SLC5A4: variants seen among roughly 807,000 people sequenced by gnomAD.
The protein encoded by SLC5A4 is solute carrier family 5 member 4, also known as probable glucose sensor protein SLC5A4.
SLC5A4 carries 55 observed loss-of-function variants against 70.3 expected under a neutral mutation model. The ratio of observed to expected loss-of-function variants is 0.78; its 90% CI spans 0.63 to 0.98. The LOEUF (loss-of-function observed/expected upper bound fraction) is 0.98, where lower values mean the gene tolerates loss of function less well. SLC5A4 is among the 50% of genes least tolerant of loss of function. The pLI is 0.00. For synonymous variants in SLC5A4, 268 were observed against 305.7 expected, an observed-to-expected ratio of 0.88 and a Z score of 1.29; for missense variants, 735 against 839.2, an observed-to-expected ratio of 0.88 and a Z score of 1.53.
chr22:32,307,831 A>G, the SLC5A4 span, among the ~76,000 whole-genome samples: 1 of 152,214 alleles, frequency 6.6e-6, no homozygotes, highest in Admixed American at 6.5e-5. Context: ...TCATCCAGGC[A>G]TGGCCTGACT....
At chr22:32,354,898 G>A in the SLC5A4 span, 2 of 152,446 alleles carry the variant, frequency 1.3e-5, no homozygotes, top group Non-Finnish European at 2.9e-5. Context: ...CAGCAGCGAG[G>A]TGAGCCACGG....
chr22:32,274,249 C>G, the SLC5A4 span, among the ~76,000 whole-genome samples: 1 of 151,972 alleles, frequency 6.6e-6, no homozygotes, highest in African/African-American at 2.4e-5. Context: ...ACTGTATTAG[C>G]CAGGATGGTC....
the SLC5A4 span, among the ~76,000 whole-genome samples, chr22:32,263,590 T>C: frequency 1.3e-5 from 2 of 152,192 alleles, no homozygotes; most frequent in South Asian, 2.1e-4. Context: ...AACACTTTTA[T>C]ACTGTTGGTG....
intron 2 of SLC5A4, among the ~76,000 whole-genome samples, chr22:32,253,048 C>T (rs1927265337): frequency 1.3e-5 from 2 of 152,162 alleles, no homozygotes; most frequent in Admixed American, 1.3e-4. Context: ...CTAAACAGTC[C>T]TAAAAATGCA....
chr22:32,241,489 T>G (rs1656552642), intron 5 of SLC5A4, among the ~76,000 whole-genome samples: 1 of 152,226 alleles, frequency 6.6e-6, no homozygotes, highest in South Asian at 2.1e-4. Flanking sequence ...CATAGTTTGT[T>G]TTTTTTGTAG....
chr22:32,300,769 G>T, the SLC5A4 span, among the ~76,000 whole-genome samples: 1 of 152,144 alleles, frequency 6.6e-6, no homozygotes, highest in African/African-American at 2.4e-5. Flanking sequence ...TCCATGTTAT[G>T]AATGTACTAC....
At chr22:32,308,309 A>C in the SLC5A4 span, among the ~76,000 whole-genome samples, 2 of 78,994 alleles carry the variant, frequency 2.5e-5, no homozygotes, top group African/African-American at 1.5e-4. Flanking sequence ...CAGGAACCCC[A>C]TGTCCTTGAA....
intron 5 of SLC5A4, among the ~76,000 whole-genome samples, chr22:32,245,696 T>C (rs77462619): frequency 0.012 from 1,818 of 152,290 alleles, 15 homozygotes; most frequent in South Asian, 0.023. Flanking sequence ...AATTTTTGTA[T>C]GTTTAGTAGA....
At chr22:32,333,206 C>CCCCCCCA in the SLC5A4 span, among the ~76,000 whole-genome samples, 3 of 150,382 alleles carry the variant, frequency 2.0e-5, no homozygotes, top group Admixed American at 6.6e-5. Flanking sequence ...ACCCCCCCCC[C>CCCCCCCA]AGAAGACTCA....
chr22:32,269,720 C>A, the SLC5A4 span: 5 of 623,336 alleles, frequency 8.0e-6, no homozygotes, highest in Admixed American at 1.9e-5. The surrounding 1 kb of genome is among the most constrained non-coding windows in gnomAD (Gnocchi z 4.1). Flanking sequence ...GCAGCCTCAC[C>A]ACAGGCACCG....
chr22:32,273,001 C>T, the SLC5A4 span: 1 of 541,556 alleles, frequency 1.8e-6, no homozygotes, highest in South Asian at 1.5e-5. Flanking sequence ...TCAACCGCTA[C>T]CTGTACCTGA....
the SLC5A4 span, chr22:32,276,664 A>C: frequency 6.6e-6 from 1 of 152,222 alleles, no homozygotes; most frequent in African/African-American, 2.4e-5. Context: ...CGTAATTCTG[A>C]ATATTCACTA....
the SLC5A4 span, among the ~76,000 whole-genome samples, chr22:32,320,003 C>T: frequency 1.3e-5 from 2 of 152,076 alleles, no homozygotes; most frequent in African/African-American, 4.8e-5. Flanking sequence ...AGAAATGGAT[C>T]AATTTCCAAG....
At chr22:32,354,289 C>A in the SLC5A4 span, among the ~76,000 whole-genome samples, 1 of 149,500 alleles carries the variant, frequency 6.7e-6, no homozygotes, top group Non-Finnish European at 1.5e-5. Context: ...GCCCTCAACA[C>A]CCCCCTCCCT....
intron 3 of SLC5A4, among the ~76,000 whole-genome samples, chr22:32,249,299 A>G (rs1207814295): frequency 6.6e-6 from 1 of 152,232 alleles, no homozygotes; most frequent in East Asian, 1.9e-4. Context: ...TATGAGAAGC[A>G]CAGTTATTCT....
chr22:32,269,814 G>C, the SLC5A4 span: 248 of 676,334 alleles, frequency 3.7e-4, 3 homozygotes, highest in African/African-American at 4.2e-3. The surrounding 1 kb of genome is among the most constrained non-coding windows in gnomAD (Gnocchi z 4.1). Context: ...TGACAAGATG[G>C]TCATCTCCCT....
At chr22:32,325,027 C>T in the SLC5A4 span, among the ~76,000 whole-genome samples, 1 of 152,256 alleles carries the variant, frequency 6.6e-6, no homozygotes, top group Non-Finnish European at 1.5e-5. Context: ...GAGCACTCGC[C>T]TGCCCTGATG....
the SLC5A4 span, among the ~76,000 whole-genome samples, chr22:32,299,404 T>A: frequency 8.2e-6 from 1 of 121,992 alleles, no homozygotes. Flanking sequence ...TTTCATTCAT[T>A]TCATCTTCCA....
intron 12 of SLC5A4, among the ~76,000 whole-genome samples, chr22:32,224,970 G>A (rs777636656): frequency 6.6e-6 from 1 of 152,132 alleles, no homozygotes; most frequent in African/African-American, 2.4e-5. Flanking sequence ...TAGAAAAACT[G>A]TATTGCATGG....
Sources: allele counts gnomAD v4.1 joint callset (sites outside exome capture counted in the v4.1 genomes callset), GRCh38; gene constraint gnomAD v4.1.1; non-coding constraint Gnocchi (gnomAD v3.1); transcripts MANE v1.5; gene names NCBI Gene and HGNC (gene_info 2026-07-23, HGNC 2026-07-21).